Variants in MGAT5 observed in about 807,000 individuals in gnomAD.
The protein encoded by MGAT5 is alpha-1,6-mannosylglycoprotein 6-beta-N-acetylglucosaminyltransferase A.
MGAT5 carries 30 observed loss-of-function variants against 94.3 expected under a neutral mutation model. The observed-to-expected ratio is 0.32, with a 90% confidence interval of 0.24 to 0.43. The LOEUF is 0.43. Among genes scored for constraint, MGAT5 ranks in the 20% least tolerant of loss-of-function variants. The probability of loss-of-function intolerance (pLI) is 1.00; values close to 1 mark genes in which losing one functional copy is unlikely to be tolerated. For synonymous variants in MGAT5, 310 were observed against 322.9 expected, an observed-to-expected ratio of 0.96 and a Z score of 0.43; for missense variants, 691 against 905.5, an observed-to-expected ratio of 0.76 and a Z score of 3.04.
intron 11 of MGAT5, among the ~76,000 whole-genome samples, chr2:134,404,194 C>G (rs771779325): frequency 6.6e-5 from 10 of 152,134 alleles, no homozygotes; most frequent in African/African-American, 2.4e-4. Context: ...TGTGGTATGT[C>G]CTAAGCACAA....
intron 1 of MGAT5, among the ~76,000 whole-genome samples, chr2:134,248,788 G>T (rs1191821558): frequency 1.3e-5 from 2 of 152,128 alleles, no homozygotes; most frequent in Non-Finnish European, 2.9e-5. Context: ...GAAGGGATGG[G>T]CATTTCTGCC....
intron 1 of MGAT5, among the ~76,000 whole-genome samples, chr2:134,229,042 A>G (rs1468680677): frequency 6.6e-6 from 1 of 152,214 alleles, no homozygotes; most frequent in Non-Finnish European, 1.5e-5. Context: ...TGTTAGCAGA[A>G]TCCCAGGTTG....
intron 4 of MGAT5, among the ~76,000 whole-genome samples, chr2:134,335,992 TGTAAA>T (rs1362345401): frequency 1.3e-5 from 2 of 152,292 alleles, no homozygotes; most frequent in East Asian, 3.9e-4. Flanking sequence ...GAAGGACAGA[TGTAAA>T]GTATAATCTC....
upstream of MGAT5, among the ~76,000 whole-genome samples, chr2:134,252,801 A>C (rs1164238311): frequency 6.6e-6 from 1 of 152,178 alleles, no homozygotes; most frequent in African/African-American, 2.4e-5. Flanking sequence ...TCTGCCATAT[A>C]CAAACAGGCT....
intron 2 of MGAT5, among the ~76,000 whole-genome samples, chr2:134,291,999 A>G (rs1417873089): frequency 6.6e-6 from 1 of 152,034 alleles, no homozygotes; most frequent in East Asian, 1.9e-4. Context: ...TGGTTCTGTC[A>G]GGCCTGGTTG....
intron 1 of MGAT5, among the ~76,000 whole-genome samples, chr2:134,218,151 T>G (rs1190585330): frequency 6.6e-6 from 1 of 152,220 alleles, no homozygotes; most frequent in African/African-American, 2.4e-5. Context: ...CTTAATCACT[T>G]GCAAAATTCA....
rs537599829 is a variant in MGAT5 at position 134,257,207 on chromosome 2, A to G, written c.241+2563A>G. ...CTGACATCATCTTTTTAAGGATGTT[A>G]TCAAGCAGATAACTGGTTTTAGTTT... On this transcript the variant is annotated intron_variant, in intron 1 of 15. Coordinates refer to ENST00000281923, the MANE Select transcript of MGAT5 (RefSeq NM_002410.5). Among the ~76,000 whole-genome samples, 5 of 152,274 alleles carry G rather than the reference A, an allele frequency of 3.3e-5. No homozygotes were observed. The South Asian group carries it at 8.3e-4, about 25-fold the overall frequency.
At chr2:134,199,499 C>CT (rs58896555) in intron 1 of MGAT5, among the ~76,000 whole-genome samples, 5,572 of 145,884 alleles carry the variant, frequency 0.038, 327 homozygotes, top group African/African-American at 0.13. Context: ...TTGCCTGCTC[C>CT]TTTTTTTTTT....
At chr2:134,277,824 A>G (rs1684468291) in intron 2 of MGAT5, among the ~76,000 whole-genome samples, 1 of 152,238 alleles carries the variant, frequency 6.6e-6, no homozygotes, top group African/African-American at 2.4e-5. Flanking sequence ...TATAGATTAG[A>G]AAATAATTTT....
At chr2:134,336,408 T>G (rs1416017723) in intron 5 of MGAT5, 120 bp downstream of exon 5, 2 of 760,428 alleles carry the variant, frequency 2.6e-6, no homozygotes, top group Non-Finnish European at 4.3e-6. Flanking sequence ...CTGAAAAACT[T>G]CTGTATTCGT....
chr2:134,391,221 G>A (rs950385419), intron 10 of MGAT5, among the ~76,000 whole-genome samples: 1 of 152,106 alleles, frequency 6.6e-6, no homozygotes, highest in Non-Finnish European at 1.5e-5. Context: ...GGTGCCGTTA[G>A]TGATCTGCTT....
chr2:134,213,868 C>T (rs951949874), intron 1 of MGAT5, among the ~76,000 whole-genome samples: 2 of 151,550 alleles, frequency 1.3e-5, no homozygotes, highest in Admixed American at 1.3e-4. Flanking sequence ...CTGGAAGTTC[C>T]CTGAACCCTG....
At chr2:134,423,881 A>C (rs182185679) in intron 13 of MGAT5, among the ~76,000 whole-genome samples, 1 of 152,354 alleles carries the variant, frequency 6.6e-6, no homozygotes, top group East Asian at 1.9e-4. Context: ...AATTTCTACT[A>C]CACCATTAGC....
rs1682793688 is a variant in MGAT5, at chr2:134,254,227, A to G, written c.-177A>G. 3 of 687,312 alleles carry G rather than the reference A, an allele frequency of 4.4e-6. No homozygotes were observed. 42.6% of individuals were successfully genotyped at this position (687,312 alleles called of 1,614,324 possible). Reference sequence around the variant, plus strand: ...CTGGTTTATTTTGCTGTATTGTGCCATGACCACTTGGCTAATTCTTCTCCT... The same window carrying G: ...CTGGTTTATTTTGCTGTATTGTGCCGTGACCACTTGGCTAATTCTTCTCCT... On this transcript the variant is annotated 5_prime_UTR_variant, in exon 1 of 16. An upstream start codon of the reference 5' UTR is lost. Coordinates refer to ENST00000281923, the MANE Select transcript of MGAT5 (RefSeq NM_002410.5).
Position 134,452,962 on chromosome 2 carries a change from T to C in MGAT5, c.*4115T>C, listed in dbSNP as rs1412719971. On this transcript the variant is annotated 3_prime_UTR_variant, in exon 16 of 16. Transcript: ENST00000281923. ...CAAAAAGTGGGAGACCAAGTTTTTA[T>C]AGCAAAAGACCAAATTAGCTGTAGA... 1 of 152,216 alleles carries C rather than the reference T, an allele frequency of 6.6e-6. No homozygotes were observed. The highest frequency in any genetic ancestry group is 2.4e-5 in the African/African-American group (1 of 41,442). The allele number at this position is 152,216 out of a possible 1,614,324, so 9.4% of individuals were successfully genotyped here. A position where few individuals can be genotyped will look rare whatever the true frequency, so the allele number is the denominator to read the frequency against.
rs575381293 is a variant in MGAT5, at chr2:134,324,782, C to T, written c.573+6043C>T. 5.9e-5 allele frequency among the ~76,000 whole-genome samples: 9 copies of T among 152,068 alleles called. No homozygotes were observed. In the South Asian group the frequency reaches 8.3e-4, roughly 14 times the overall value. On this transcript the variant is annotated intron_variant, in intron 4 of 15. Transcript: ENST00000281923. ...TCAGGGAGTACTTTAAAAATATCAC[C>T]GGATTGTTGCCCGAGAATACCAACA...
intron 2 of MGAT5, among the ~76,000 whole-genome samples, chr2:134,290,287 G>C (rs1481962536): frequency 6.6e-6 from 1 of 152,168 alleles, no homozygotes; most frequent in South Asian, 2.1e-4. Context: ...ACCATTTCTG[G>C]CCAGAGCTGT....
intron 10 of MGAT5, among the ~76,000 whole-genome samples, chr2:134,373,294 A>T (rs922163076): frequency 6.6e-6 from 1 of 152,188 alleles, no homozygotes; most frequent in African/African-American, 2.4e-5. Flanking sequence ...TGCCCAGAAG[A>T]TGAGCAGTAC....
At chr2:134,251,484 T>C (rs1334865460), upstream of MGAT5, among the ~76,000 whole-genome samples, 1 of 152,204 alleles carries the variant, frequency 6.6e-6, no homozygotes, top group Non-Finnish European at 1.5e-5. Context: ...GCCACTGTGG[T>C]CAGTGCCTTT....
Sources: allele counts gnomAD v4.1 joint callset (sites outside exome capture counted in the v4.1 genomes callset), GRCh38; gene constraint gnomAD v4.1.1; transcripts MANE v1.5; gene names NCBI Gene and HGNC (gene_info 2026-07-23, HGNC 2026-07-21).